TUSC3: variants seen among roughly 807,000 people sequenced by gnomAD.
TUSC3 encodes the protein dolichyl-diphosphooligosaccharide--protein glycosyltransferase subunit TUSC3.
TUSC3 carries 45 observed loss-of-function variants against 44.8 expected under a neutral mutation model. The ratio of observed to expected loss-of-function variants is 1.00; its 90% CI spans 0.79 to 1.29. The LOEUF (loss-of-function observed/expected upper bound fraction) is 1.29, where lower values mean the gene tolerates loss of function less well. TUSC3 is among the 50% of genes most tolerant of loss of function. The probability of loss-of-function intolerance (pLI) is 0.00; values close to 1 mark genes in which losing one functional copy is unlikely to be tolerated. For synonymous variants in TUSC3, 212 were observed against 152.9 expected (o/e 1.39, Z -2.85); for missense variants, 519 against 437.9 (o/e 1.19, Z -1.65).
At chr8:15,825,489 C>T in the TUSC3 span, among the ~76,000 whole-genome samples, 7 of 152,040 alleles carry the variant, frequency 4.6e-5, no homozygotes, top group Admixed American at 3.3e-4. Context: ...CAATTACCTC[C>T]CACCAGGTCC....
chr8:15,478,033 C>T (rs1402879673), intron 1 of TUSC3, among the ~76,000 whole-genome samples: 2 of 152,238 alleles, frequency 1.3e-5, no homozygotes, highest in Non-Finnish European at 2.9e-5. Flanking sequence ...TCTTGGCTCA[C>T]TGCAAACTCT....
chr8:15,555,444 T>C (rs1019088070), intron 1 of TUSC3, among the ~76,000 whole-genome samples: 2 of 150,690 alleles, frequency 1.3e-5, no homozygotes, highest in Non-Finnish European at 3.0e-5. Context: ...CCACAGGCAC[T>C]TGCCACCATG....
intron 7 of TUSC3, among the ~76,000 whole-genome samples, chr8:15,738,827 C>CTTTTTTTTTTTTTTCTTTTTTTTT (rs1563198661): frequency 2.3e-5 from 2 of 87,166 alleles, no homozygotes; most frequent in East Asian, 3.7e-4. Context: ...ATATATCTTG[C>CTTTTTTTTTTTTTTCTTTTTTTTT]TTTTTTTTTT....
At chr8:15,435,454 A>C (rs955712484) in intron 1 of TUSC3, among the ~76,000 whole-genome samples, 1 of 152,218 alleles carries the variant, frequency 6.6e-6, no homozygotes, top group South Asian at 2.1e-4. Flanking sequence ...GAAGTACTCA[A>C]ATGTCTACAG....
intron 1 of TUSC3, among the ~76,000 whole-genome samples, chr8:15,468,081 A>C (rs147313214): frequency 6.6e-6 from 1 of 152,328 alleles, no homozygotes; most frequent in African/African-American, 2.4e-5. Flanking sequence ...TACATCTTAG[A>C]GCTCTAAAGT....
the TUSC3 span, among the ~76,000 whole-genome samples, chr8:15,809,490 AC>A: frequency 6.7e-6 from 1 of 149,568 alleles, no homozygotes; most frequent in Admixed American, 6.6e-5. Context: ...ACATTCCAAG[AC>A]CCCCCCTGTA....
chr8:15,460,077 G>GC (rs1800323835), intron 1 of TUSC3, among the ~76,000 whole-genome samples: 2 of 152,102 alleles, frequency 1.3e-5, no homozygotes. Context: ...TGGATCAAAT[G>GC]GTAGTTCTAC....
intron 2 of TUSC3, among the ~76,000 whole-genome samples, chr8:15,489,442 G>A (rs1311780849): frequency 1.3e-5 from 2 of 152,186 alleles, no homozygotes; most frequent in Admixed American, 6.5e-5. Context: ...ACCTTTAGAA[G>A]TTGCTGGACT....
chr8:15,593,921 A>G (rs937687884), intron 1 of TUSC3, among the ~76,000 whole-genome samples: 2 of 151,952 alleles, frequency 1.3e-5, no homozygotes, highest in Non-Finnish European at 2.9e-5. Flanking sequence ...GCATTAATCT[A>G]CTCTATAAAG....
chr8:15,621,658 G>C (rs901596612), intron 1 of TUSC3, among the ~76,000 whole-genome samples: 3 of 146,074 alleles, frequency 2.1e-5, no homozygotes, highest in Non-Finnish European at 3.0e-5. Flanking sequence ...TAAATCTATA[G>C]CTATATATTT....
At chr8:15,446,965 C>T (rs1260422988) in intron 1 of TUSC3, among the ~76,000 whole-genome samples, 2 of 150,934 alleles carry the variant, frequency 1.3e-5, no homozygotes, top group Non-Finnish European at 3.0e-5. Context: ...TGGAAATTCA[C>T]ACACCCAATG....
In TUSC3 at chr8:15,433,019, C is replaced by A. The variant is rs1799889683; in HGVS notation, n.91+15714C>A. Among the ~76,000 whole-genome samples the A allele has an allele frequency of 2.0e-5, 3 of 152,256 alleles. No homozygotes were observed. The South Asian group carries it at 6.2e-4, about 32-fold the overall frequency. ...CCAGGAGTACAAGGGGATTCTTCTG[C>A]AATTCCCTTAGAAACTGAAGGGAGT... On this transcript the variant is annotated intron_variant and non_coding_transcript_variant, in intron 1 of 5. Transcript: ENST00000503191.
At chr8:15,427,539 C>T (rs1001531165) in intron 1 of TUSC3, among the ~76,000 whole-genome samples, 4 of 152,298 alleles carry the variant, frequency 2.6e-5, no homozygotes, top group East Asian at 1.9e-4. Flanking sequence ...CCCAACTTGA[C>T]AGGTCAAGCC....
At chr8:15,778,357 A>G in the TUSC3 span, among the ~76,000 whole-genome samples, 1 of 152,192 alleles carries the variant, frequency 6.6e-6, no homozygotes, top group East Asian at 1.9e-4. Context: ...AAAAACAGAC[A>G]AGGAGACAAA....
intron 6 of TUSC3, among the ~76,000 whole-genome samples, chr8:15,674,362 G>T (rs1044995259): frequency 6.6e-6 from 1 of 152,128 alleles, no homozygotes; most frequent in East Asian, 1.9e-4. Flanking sequence ...AACTGAGTTT[G>T]TTGCCTTCTC....
At chr8:15,476,824 C>A (rs544102510) in intron 1 of TUSC3, among the ~76,000 whole-genome samples, 11 of 152,296 alleles carry the variant, frequency 7.2e-5, no homozygotes, top group African/African-American at 2.2e-4. Flanking sequence ...GAAGTAGTGG[C>A]CCACCATCAG....
chr8:15,784,992 A>G, the TUSC3 span, among the ~76,000 whole-genome samples: 4 of 149,284 alleles, frequency 2.7e-5, no homozygotes, highest in African/African-American at 4.9e-5. Flanking sequence ...GTACAGAAAC[A>G]TGACATTGTA....
chr8:15,431,779 A>T (rs1799876374), intron 1 of TUSC3, among the ~76,000 whole-genome samples: 1 of 134,406 alleles, frequency 7.4e-6, no homozygotes, highest in African/African-American at 2.6e-5. Flanking sequence ...TTTACCATTG[A>T]CTATTATGTT....
At position 15,764,476 on chromosome 8, in the gene TUSC3, G is replaced by T; in HGVS notation, c.*320G>T. ...CCACAGGATTGAAATAAATGACAAT[G>T]TAATTATGAATTCATGTTTTAGAGC... On this transcript the variant is annotated 3_prime_UTR_variant, in exon 11 of 11. Coordinates refer to ENST00000503731, the MANE Select transcript of TUSC3 (RefSeq NM_006765.4). The T allele has an allele frequency of 2.5e-6, 1 of 401,820 alleles. No homozygotes were observed. The highest frequency in any genetic ancestry group is 2.8e-5 in the South Asian group (1 of 35,112). The allele number at this position is 401,820 out of a possible 1,614,324, so 24.9% of individuals were successfully genotyped here. A position where few individuals can be genotyped will look rare whatever the true frequency, so the allele number is the denominator to read the frequency against.
Sources: allele counts gnomAD v4.1 joint callset (sites outside exome capture counted in the v4.1 genomes callset), GRCh38; gene constraint gnomAD v4.1.1; transcripts MANE v1.5; gene names NCBI Gene and HGNC (gene_info 2026-07-23, HGNC 2026-07-21).